ULK2: variants seen among roughly 807,000 people sequenced by gnomAD.
The protein encoded by ULK2 is serine/threonine-protein kinase ULK2.
Under a neutral mutation model 127.5 loss-of-function variants are expected in ULK2, and 76 were observed. The ratio of observed to expected loss-of-function variants is 0.60; its 90% CI spans 0.50 to 0.72. The LOEUF (loss-of-function observed/expected upper bound fraction) is 0.72, where lower values mean the gene tolerates loss of function less well. Ranked by LOEUF, ULK2 falls within the 30% of genes least tolerant of loss-of-function variation. The pLI is 0.00. For missense variants in ULK2, 1,144 were observed against 1,295.9 expected, an observed-to-expected ratio of 0.88 and a Z score of 1.80; for synonymous variants, 452 against 461.9, an observed-to-expected ratio of 0.98 and a Z score of 0.28.
intron 12 of ULK2, among the ~76,000 whole-genome samples, chr17:19,818,826 A>T (rs1597759292): frequency 9.8e-6 from 1 of 101,786 alleles, no homozygotes; most frequent in African/African-American, 3.9e-5. Context: ...TTTGAGATGG[A>T]GTCTCACTGT....
intron 10 of ULK2, among the ~76,000 whole-genome samples, chr17:19,835,824 G>A (rs756846918): frequency 6.6e-6 from 1 of 150,984 alleles, no homozygotes; most frequent in Non-Finnish European, 1.5e-5. Flanking sequence ...TGGCACACTA[G>A]AAAATAATCT....
chr17:19,783,867 T>G lies in ULK2; in HGVS notation c.2290A>C (p.Ser764Arg), dbSNP rs1214824038. 6.4e-7 allele frequency: 1 copy of G among 1,568,102 alleles called. No homozygotes were observed. The highest frequency in any genetic ancestry group is 1.2e-5 in the South Asian group (1 of 82,970). Reference sequence around the variant, plus strand: ...GGGGACCCCACGCACACGCGGCCACTCATGGCACAAAGAGAGCCCCCGGAG... The same window carrying G: ...GGGGACCCCACGCACACGCGGCCACGCATGGCACAAAGAGAGCCCCCGGAG... ...SNSGGSLCAM[S>R]GRVCVGSPPG... The change falls in exon 22 of 27, where the codon AGT becomes CGT. Residue 764 changes from serine to arginine, a missense_variant. Transcript: ENST00000395544.
At chr17:19,849,081 T>C (rs564037639) in intron 5 of ULK2, among the ~76,000 whole-genome samples, 59 of 152,212 alleles carry the variant, frequency 3.9e-4, no homozygotes, top group Non-Finnish European at 7.1e-4. Flanking sequence ...AGGAGAGGAA[T>C]TCTATCGGGT....
At chr17:19,823,398 C>A (rs146324618) in intron 12 of ULK2, among the ~76,000 whole-genome samples, 1 of 152,160 alleles carries the variant, frequency 6.6e-6, no homozygotes, top group African/African-American at 2.4e-5. Context: ...TCTCTCCAGT[C>A]AAAGAAAATT....
intron 20 of ULK2, among the ~76,000 whole-genome samples, chr17:19,793,451 CA>C (rs1050744200): frequency 6.6e-5 from 10 of 152,090 alleles, no homozygotes; most frequent in African/African-American, 2.2e-4. Flanking sequence ...ATAGCCCATC[CA>C]AAAGAATAAA....
At chr17:19,822,025 C>CA (rs902375989) in intron 12 of ULK2, among the ~76,000 whole-genome samples, 30 of 145,608 alleles carry the variant, frequency 2.1e-4, no homozygotes, top group Non-Finnish European at 4.2e-4. Flanking sequence ...GAGAAAGTCA[C>CA]AAAGTCTTGC....
chr17:19,848,087 C>T (rs1409886313), intron 5 of ULK2, among the ~76,000 whole-genome samples: 3 of 151,750 alleles, frequency 2.0e-5, no homozygotes, highest in Non-Finnish European at 4.4e-5. Context: ...TTCAGCAGCA[C>T]ATATACTAAA....
In ULK2 at chr17:19,795,607, C is replaced by A; in HGVS notation, c.2101+15G>T. On this transcript the variant is annotated intron_variant, in intron 20 of 26. Transcript: ENST00000395544. ...AGCAAATTACCTGCCTAAAAAGAAA[C>A]TACATTTTTCTTACCTATATCCATT... 1 of 1,604,902 alleles carries A rather than the reference C, an allele frequency of 6.2e-7. No homozygotes were observed. The highest frequency in any genetic ancestry group is 1.3e-5 in the African/African-American group (1 of 74,832).
intron 4 of ULK2, 130 bp from the exon 5 acceptor site, chr17:19,849,535 T>C: frequency 9.8e-7 from 1 of 1,022,952 alleles, no homozygotes; most frequent in Non-Finnish European, 1.4e-6. Context: ...ACATTATAGA[T>C]TCAAAATTTT....
intron 12 of ULK2, among the ~76,000 whole-genome samples, chr17:19,819,021 G>T (rs2041070859): frequency 6.6e-6 from 1 of 151,806 alleles, no homozygotes; most frequent in Non-Finnish European, 1.5e-5. Flanking sequence ...GGCTGGCCTT[G>T]AACTCCTGAC....
chr17:19,796,360 G>A (rs2087272351), intron 18 of ULK2, 78 bp from the exon 19 acceptor site: 1 of 1,323,622 alleles, frequency 7.6e-7, no homozygotes, highest in Admixed American at 3.0e-5. Flanking sequence ...GCAGGTTTGT[G>A]TGACCCAGTA....
intron 10 of ULK2, among the ~76,000 whole-genome samples, chr17:19,826,905 C>T (rs1284669936): frequency 1.3e-5 from 2 of 150,788 alleles, no homozygotes; most frequent in South Asian, 4.2e-4. Context: ...TGCAGTGAGC[C>T]GAGATCGCGC....
chr17:19,820,703 A>G (rs2041119671), intron 12 of ULK2, among the ~76,000 whole-genome samples: 1 of 152,180 alleles, frequency 6.6e-6, no homozygotes, highest in African/African-American at 2.4e-5. Context: ...CTATGACTTC[A>G]TGTACGGAAA....
chr17:19,782,199 A>C (rs2086934399), intron 22 of ULK2, 132 bp from the exon 23 acceptor site: 7 of 1,008,760 alleles, frequency 6.9e-6, no homozygotes, highest in Non-Finnish European at 9.8e-6. Flanking sequence ...AGGAGATTGA[A>C]ATTTTTAAAT....
intron 13 of ULK2, among the ~76,000 whole-genome samples, chr17:19,816,212 T>C (rs1461749946): frequency 6.6e-6 from 1 of 152,224 alleles, no homozygotes; most frequent in Non-Finnish European, 1.5e-5. Context: ...CATGGCTCCT[T>C]CTTTTTAATA....
intron 25 of ULK2, among the ~76,000 whole-genome samples, chr17:19,779,301 TG>T (rs2086869108): frequency 6.6e-6 from 1 of 151,464 alleles, no homozygotes; most frequent in African/African-American, 2.4e-5. Flanking sequence ...GAGGCCGAGG[TG>T]GGTGGATCAC....
intron 12 of ULK2, among the ~76,000 whole-genome samples, chr17:19,823,693 A>G (rs2041216179): frequency 6.6e-6 from 1 of 152,162 alleles, no homozygotes; most frequent in African/African-American, 2.4e-5. Context: ...ACCATGGCCC[A>G]CCTCTCTAAC....
chr17:19,779,635 TAGAGTA>T (rs1734571824), intron 25 of ULK2, among the ~76,000 whole-genome samples: 1 of 151,954 alleles, frequency 6.6e-6, no homozygotes, highest in African/African-American at 2.4e-5. Context: ...ATTTATACTT[TAGAGTA>T]ATTTTTCCCC....
chr17:19,776,354 C>G lies in ULK2; in HGVS notation c.3106G>C (p.Val1036Leu). 1 of 1,604,730 alleles carries G rather than the reference C, an allele frequency of 6.2e-7. No homozygotes were observed. The highest frequency in any genetic ancestry group is 8.5e-7 in the Non-Finnish European group (1 of 1,175,808). Residue 1036 changes from valine to leucine, a missense_variant, in exon 27 of 27, where the codon GTG becomes CTG. Physicochemically the swap from Val to Leu is conservative, Grantham distance 32. This residue lies in a region of ULK2 where 913 missense variants were observed against 970.5 expected (regional missense o/e 0.94). Transcript: ENST00000395544. ...LSALCHSTAT[V>L] Reference sequence around the variant, plus strand: ...CCACGGGATGAGCCTGCTGCTCACACGGTTGCGGTGCTATGGCAGAGCGCC... The same window carrying G: ...CCACGGGATGAGCCTGCTGCTCACAGGGTTGCGGTGCTATGGCAGAGCGCC...
Sources: gnomAD v4.1 joint callset for allele counts (sites outside exome capture counted in the v4.1 genomes callset) on GRCh38, gnomAD v4.1.1 for gene constraint, gnomAD v4.1.1 regional missense constraint, MANE v1.5 for transcripts, NCBI Gene and HGNC (gene_info 2026-07-23, HGNC 2026-07-21) for gene names.